Variants in SLC25A21 observed in about 807,000 individuals in gnomAD.
SLC25A21 encodes solute carrier family 25 member 21, also known as mitochondrial 2-oxodicarboxylate carrier.
SLC25A21 carries 47 observed loss-of-function variants against 43.8 expected under a neutral mutation model. The ratio of observed to expected loss-of-function variants is 1.07; its 90% confidence interval spans 0.85 to 1.37. The LOEUF is 1.37. Among genes scored for constraint, SLC25A21 ranks in the 40% most tolerant of loss-of-function variants. The probability of loss-of-function intolerance (pLI) is 0.00; values close to 1 mark genes in which losing one functional copy is unlikely to be tolerated. For synonymous variants in SLC25A21, 131 were observed against 121.3 expected, an observed-to-expected ratio of 1.08 and a Z score of -0.52; for missense variants, 352 against 350.2, an observed-to-expected ratio of 1.00 and a Z score of -0.04.
At chr14:36,839,517 C>G (rs1854255894) in intron 2 of SLC25A21, among the ~76,000 whole-genome samples, 1 of 152,190 alleles carries the variant, frequency 6.6e-6, no homozygotes, top group Non-Finnish European at 1.5e-5. Flanking sequence ...GACACTCTTG[C>G]TCTAAAAAAT....
At chr14:36,894,381 A>C (rs1364604144) in intron 1 of SLC25A21, among the ~76,000 whole-genome samples, 6 of 152,220 alleles carry the variant, frequency 3.9e-5, no homozygotes, top group Non-Finnish European at 8.8e-5. Flanking sequence ...ATTTTTGCAC[A>C]TGGATTTTGT....
intron 1 of SLC25A21, among the ~76,000 whole-genome samples, chr14:37,091,711 T>C (rs1445836738): frequency 6.6e-6 from 1 of 152,160 alleles, no homozygotes; most frequent in Non-Finnish European, 1.5e-5. Context: ...CAAACAAATT[T>C]CAGCAAGTAG....
intron 3 of SLC25A21, among the ~76,000 whole-genome samples, chr14:36,796,975 T>A (rs1887697506): frequency 6.6e-6 from 1 of 152,162 alleles, no homozygotes; most frequent in African/African-American, 2.4e-5. Flanking sequence ...TTTCCTTCTA[T>A]CTATTTTACT....
chr14:37,026,523 GCTTATACCCCAA>G (rs377736578), intron 1 of SLC25A21, among the ~76,000 whole-genome samples: 127 of 152,212 alleles, frequency 8.3e-4, no homozygotes, highest in African/African-American at 3.0e-3. Context: ...CATCTATGTA[GCTTATACCCCAA>G]CCCAAACCAG....
chr14:36,985,638 T>C (rs1220372497), intron 1 of SLC25A21, among the ~76,000 whole-genome samples: 2 of 152,216 alleles, frequency 1.3e-5, no homozygotes, highest in African/African-American at 4.8e-5. Context: ...CAGGGCAACA[T>C]ATCAGGAGGA....
chr14:36,847,357 T>G (rs1298793659), intron 2 of SLC25A21, among the ~76,000 whole-genome samples: 1 of 152,192 alleles, frequency 6.6e-6, no homozygotes, highest in Non-Finnish European at 1.5e-5. Context: ...AGCCTAAAAC[T>G]AGGTTATTTG....
intron 7 of SLC25A21, among the ~76,000 whole-genome samples, chr14:36,706,784 T>C (rs1033949514): frequency 3.3e-5 from 5 of 152,100 alleles, no homozygotes; most frequent in African/African-American, 1.2e-4. Flanking sequence ...TCTCCCTGTC[T>C]CCCCCATGGA....
intron 1 of SLC25A21, among the ~76,000 whole-genome samples, chr14:37,075,273 T>A (rs1298738513): frequency 2.6e-5 from 4 of 152,168 alleles, no homozygotes; most frequent in Admixed American, 6.5e-5. Flanking sequence ...TATTTTCCCT[T>A]GCTCTAGATT....
chr14:36,787,632 T>A (rs144892020), intron 3 of SLC25A21, among the ~76,000 whole-genome samples: 1 of 152,222 alleles, frequency 6.6e-6, no homozygotes, highest in Non-Finnish European at 1.5e-5. Context: ...GTATAAATGT[T>A]AATAAAATGG....
chr14:36,992,095 C>A (rs972593852), intron 1 of SLC25A21, among the ~76,000 whole-genome samples: 1 of 152,304 alleles, frequency 6.6e-6, no homozygotes, highest in Admixed American at 6.5e-5. Context: ...GGCTTCAGGC[C>A]GAGCACTTTG....
At chr14:36,845,287 G>A (rs1889506647) in intron 2 of SLC25A21, among the ~76,000 whole-genome samples, 1 of 152,118 alleles carries the variant, frequency 6.6e-6, no homozygotes. Context: ...TATTCTAATT[G>A]CATAGGATAA....
At position 36,696,180 on chromosome 14, in the gene SLC25A21, C is replaced by T. The variant is rs190028240; in HGVS notation, c.604-11255G>A. On this transcript the variant is annotated intron_variant, in intron 7 of 9. Transcript: ENST00000331299. Reference sequence around the variant, plus strand: ...ATTGAGATAATCATGTGGTTTTTGTCATTAGTTCTGTTTATGTGATGGATT... The same window carrying T: ...ATTGAGATAATCATGTGGTTTTTGTTATTAGTTCTGTTTATGTGATGGATT... 6.1e-3 allele frequency among the ~76,000 whole-genome samples: 923 copies of T among 152,240 alleles called. 14 individuals are homozygous for T. Among genetic ancestry groups the T allele is most frequent in the African/African-American group, 0.021 (892 of 41,550 alleles).
At chr14:36,918,382 TTAAAA>T (rs2138620780) in intron 1 of SLC25A21, among the ~76,000 whole-genome samples, 1 of 152,282 alleles carries the variant, frequency 6.6e-6, no homozygotes, top group South Asian at 2.1e-4. Context: ...AATGCTAAAC[TTAAAA>T]TGATAAGCAC....
At chr14:36,847,186 G>T (rs1299612087) in intron 2 of SLC25A21, among the ~76,000 whole-genome samples, 2 of 152,170 alleles carry the variant, frequency 1.3e-5, no homozygotes, top group African/African-American at 4.8e-5. Context: ...AAGAGTTTTG[G>T]TTAAGAAATT....
chr14:37,096,025 T>C (rs1962686437), intron 1 of SLC25A21, among the ~76,000 whole-genome samples: 1 of 152,064 alleles, frequency 6.6e-6, no homozygotes, highest in East Asian at 1.9e-4. Context: ...AAGTGAGAAA[T>C]ATTCTATTAA....
In SLC25A21 at chr14:36,936,857, C is replaced by A. The variant is rs191240904; in HGVS notation, c.71-61853G>T. ...ATATTCATTGAGAAACATGGTAAATCCCCACACAGGAGGAGATCAATGCAC... is the reference window on the plus strand; with the variant it reads ...ATATTCATTGAGAAACATGGTAAATACCCACACAGGAGGAGATCAATGCAC... On this transcript the variant is annotated intron_variant, in intron 1 of 9. Transcript: ENST00000331299. 8.3e-3 allele frequency among the ~76,000 whole-genome samples: 1,262 copies of A among 152,252 alleles called. 7 individuals are homozygous for A. Among genetic ancestry groups the A allele is most frequent in the Non-Finnish European group, 0.014 (926 of 68,022 alleles).
rs181707990 is a variant in SLC25A21, at chr14:36,715,090, A to G, written c.439-3608T>C. The stretch of plus-strand genomic sequence containing the variant: ...TGTTGTTCTTTACACACTCATTCTT[A>G]TTGTACATAGGTAATAAGAGTTTCA... On this transcript the variant is annotated intron_variant, in intron 6 of 9. Coordinates refer to ENST00000331299, the MANE Select transcript of SLC25A21 (RefSeq NM_030631.4). Among the ~76,000 whole-genome samples, 295 of 152,320 alleles carry G rather than the reference A, an allele frequency of 1.9e-3. 2 individuals carry two copies. Among genetic ancestry groups the G allele is most frequent in the African/African-American group, 6.5e-3 (270 of 41,580 alleles).
intron 1 of SLC25A21, among the ~76,000 whole-genome samples, chr14:36,999,452 T>C (rs1229831477): frequency 6.6e-6 from 1 of 152,136 alleles, no homozygotes; most frequent in Non-Finnish European, 1.5e-5. Context: ...TACATAACAT[T>C]ATACATTTTT....
At chr14:36,873,233 G>A (rs1357559471) in intron 2 of SLC25A21, among the ~76,000 whole-genome samples, 2 of 152,074 alleles carry the variant, frequency 1.3e-5, no homozygotes, top group Non-Finnish European at 2.9e-5. Flanking sequence ...AGATGGCCCA[G>A]GGGTGCGCAT....
Sources: gnomAD v4.1 joint callset for allele counts (sites outside exome capture counted in the v4.1 genomes callset) on GRCh38, gnomAD v4.1.1 for gene constraint, MANE v1.5 for transcripts, NCBI Gene and HGNC (gene_info 2026-07-23, HGNC 2026-07-21) for gene names.